The following DPYD variants were observed in gnomAD, a reference collection of about 807,000 sequenced individuals.
The protein encoded by DPYD is dihydropyrimidine dehydrogenase, also known as dihydropyrimidine dehydrogenase [NADP(+)].
A neutral mutation model predicts 116.2 loss-of-function variants in DPYD; 109 were observed. The observed-to-expected ratio is 0.94, with a 90% CI of 0.80 to 1.10. The LOEUF (loss-of-function observed/expected upper bound fraction) is 1.10, where lower values mean the gene tolerates loss of function less well. Ranked by LOEUF, DPYD falls within the 50% of genes least tolerant of loss-of-function variation. The pLI, the probability that DPYD is intolerant of heterozygous loss-of-function variation, is 0.00. For synonymous variants in DPYD, 440 were observed against 432.0 expected, an observed-to-expected ratio of 1.02 and a Z score of -0.23; for missense variants, 1,302 against 1,254.5, an observed-to-expected ratio of 1.04 and a Z score of -0.57.
intron 16 of DPYD, among the ~76,000 whole-genome samples, chr1:97,353,942 C>T (rs1439026759): frequency 6.6e-6 from 1 of 152,206 alleles, no homozygotes; most frequent in Non-Finnish European, 1.5e-5. Context: ...GGCTCTTGAG[C>T]CAGATGGCCG....
intron 8 of DPYD, among the ~76,000 whole-genome samples, chr1:97,597,031 C>T (rs1654934108): frequency 2.0e-5 from 3 of 152,060 alleles, no homozygotes; most frequent in African/African-American, 7.2e-5. Context: ...AAATGGGTGG[C>T]CGTTTATGTG....
At chr1:97,660,996 C>G (rs1659223967) in intron 8 of DPYD, among the ~76,000 whole-genome samples, 1 of 152,056 alleles carries the variant, frequency 6.6e-6, no homozygotes, top group Admixed American at 6.6e-5. Flanking sequence ...AAACTCTCAC[C>G]TCTTCTTCTC....
intron 12 of DPYD, among the ~76,000 whole-genome samples, chr1:97,516,145 G>T (rs1284904105): frequency 6.6e-6 from 1 of 151,880 alleles, no homozygotes; most frequent in Non-Finnish European, 1.5e-5. Flanking sequence ...GCAGTATGAA[G>T]AGTACTAGCA....
chr1:97,116,925 G>T (rs1652010471), intron 20 of DPYD, among the ~76,000 whole-genome samples: 1 of 149,362 alleles, frequency 6.7e-6, no homozygotes, highest in Non-Finnish European at 1.5e-5. Context: ...GAGGTGGGTG[G>T]ATCACCTGAG....
chr1:97,489,253 G>A (rs766314415), intron 13 of DPYD, among the ~76,000 whole-genome samples: 8 of 152,120 alleles, frequency 5.3e-5, no homozygotes, highest in South Asian at 2.1e-4. Context: ...TTAAGCAAGC[G>A]CACCAGGTTT....
At chr1:97,517,130 T>C (rs926117646) in intron 12 of DPYD, among the ~76,000 whole-genome samples, 1 of 152,046 alleles carries the variant, frequency 6.6e-6, no homozygotes, top group East Asian at 1.9e-4. Flanking sequence ...ATCAAACTTG[T>C]CAATTGAAAC....
At chr1:97,825,545 C>T (rs1362488817) in intron 3 of DPYD, among the ~76,000 whole-genome samples, 1 of 145,244 alleles carries the variant, frequency 6.9e-6, no homozygotes, top group Non-Finnish European at 1.5e-5. Context: ...GCTCCATGTT[C>T]TCACCCACAG....
chr1:97,749,719 T>A (rs1664766777), intron 3 of DPYD, among the ~76,000 whole-genome samples: 2 of 152,162 alleles, frequency 1.3e-5, no homozygotes, highest in Non-Finnish European at 2.9e-5. Flanking sequence ...ATTTTTAATT[T>A]AACAATAACA....
chr1:97,369,964 G>C (rs931340062), intron 16 of DPYD, among the ~76,000 whole-genome samples: 2 of 152,082 alleles, frequency 1.3e-5, no homozygotes, highest in African/African-American at 4.8e-5. Context: ...CTTAATGCAG[G>C]CTAAAGAAAT....
chr1:97,515,993 A>G (rs756071916), intron 12 of DPYD, 52 bp from the exon 13 acceptor site: 1 of 1,526,930 alleles, frequency 6.5e-7, no homozygotes. Flanking sequence ...AATTGTCCAT[A>G]TAATATTTTA....
intron 7 of DPYD, among the ~76,000 whole-genome samples, chr1:97,686,717 T>C (rs892823512): frequency 4.6e-5 from 5 of 107,860 alleles, no homozygotes; most frequent in Non-Finnish European, 9.5e-5. Flanking sequence ...ATCTAGGAAA[T>C]ACCATTCAGG....
rs147050487 is a variant in DPYD at position 97,314,766 on chromosome 1, C to T, written c.2059-8469G>A. 3.7e-3 allele frequency among the ~76,000 whole-genome samples: 563 copies of T among 152,042 alleles called. 3 individuals are homozygous for T. Among genetic ancestry groups the T allele is most frequent in the Middle Eastern group, 0.014 (4 of 292 alleles). On this transcript the variant is annotated intron_variant, in intron 16 of 22. Coordinates refer to ENST00000370192, the MANE Select transcript of DPYD (RefSeq NM_000110.4). ...CATAGAATTATCTTGCTTCTGCCGG[C>T]TAATCCCAACAGGAAATCCACGGCC...
chr1:97,877,458 G>C (rs1671980994), intron 2 of DPYD, among the ~76,000 whole-genome samples: 1 of 151,958 alleles, frequency 6.6e-6, no homozygotes, highest in African/African-American at 2.4e-5. Flanking sequence ...TCAGTTACAA[G>C]AAAATAAAAG....
intron 3 of DPYD, among the ~76,000 whole-genome samples, chr1:97,751,890 G>A (rs1328316419): frequency 2.0e-5 from 3 of 151,584 alleles, no homozygotes; most frequent in African/African-American, 7.3e-5. Flanking sequence ...AGCCTCCCGA[G>A]TAGCTGAGAT....
chr1:97,490,894 T>C (rs1444145573), intron 13 of DPYD, among the ~76,000 whole-genome samples: 1 of 150,822 alleles, frequency 6.6e-6, no homozygotes, highest in Non-Finnish European at 1.5e-5. Context: ...TAAATACTTA[T>C]TTTACTACAT....
intron 14 of DPYD, among the ~76,000 whole-genome samples, chr1:97,388,316 G>A (rs1282698142): frequency 6.6e-6 from 1 of 152,016 alleles, no homozygotes; most frequent in Non-Finnish European, 1.5e-5. Context: ...TGTGCCACTG[G>A]ATATATGAGT....
At chr1:97,653,386 C>A (rs1658705379) in intron 8 of DPYD, among the ~76,000 whole-genome samples, 1 of 151,306 alleles carries the variant, frequency 6.6e-6, no homozygotes, top group Admixed American at 6.6e-5. Context: ...CTCACTGCAA[C>A]CTCCGACTCC....
chr1:97,877,573 C>CT (rs1414358963), intron 2 of DPYD, among the ~76,000 whole-genome samples: 1 of 151,962 alleles, frequency 6.6e-6, no homozygotes, highest in African/African-American at 2.4e-5. Context: ...TGCAAAGAAT[C>CT]TGTTTTTATT....
intron 18 of DPYD, among the ~76,000 whole-genome samples, chr1:97,263,037 C>T (rs1044824151): frequency 2.6e-5 from 4 of 152,088 alleles, no homozygotes; most frequent in Non-Finnish European, 5.9e-5. Context: ...GTTAATTCAA[C>T]AAGCTTGATC....
Sources: gnomAD v4.1 joint callset for allele counts (sites outside exome capture counted in the v4.1 genomes callset) on GRCh38, gnomAD v4.1.1 for gene constraint, MANE v1.5 for transcripts, NCBI Gene and HGNC (gene_info 2026-07-23, HGNC 2026-07-21) for gene names.